ODAD4: variants seen among roughly 807,000 people sequenced by gnomAD.
ODAD4 encodes the protein outer dynein arm docking complex subunit 4.
A neutral mutation model predicts 51.8 loss-of-function variants in ODAD4; 49 were observed. The ratio of observed to expected loss-of-function variants is 0.95; its 90% CI spans 0.75 to 1.20. The LOEUF (loss-of-function observed/expected upper bound fraction) is 1.20. Among genes scored for constraint, ODAD4 ranks in the 50% most tolerant of loss-of-function variants. The pLI is 0.00. For missense variants in ODAD4, 590 were observed against 586.5 expected, an observed-to-expected ratio of 1.01 and a Z score of -0.06; for synonymous variants, 235 against 221.3, an observed-to-expected ratio of 1.06 and a Z score of -0.55.
intron 11 of ODAD4, among the ~76,000 whole-genome samples, chr17:41,963,338 T>C (rs1330393842): frequency 6.6e-6 from 1 of 152,198 alleles, no homozygotes; most frequent in African/African-American, 2.4e-5. Context: ...TCCCTTTGCT[T>C]GTAAAATAAC....
At chr17:41,936,044 G>A (rs1456003286) in intron 3 of ODAD4, among the ~76,000 whole-genome samples, 1 of 152,226 alleles carries the variant, frequency 6.6e-6, no homozygotes, top group Admixed American at 6.5e-5. Context: ...TCTTTAGCCT[G>A]GTGTCAAAAG....
intron 5 of ODAD4, 34 bp from the exon 6 acceptor site, chr17:41,938,523 C>T: frequency 6.3e-7 from 1 of 1,582,404 alleles, no homozygotes; most frequent in East Asian, 2.2e-5. Context: ...GAGGCCTGTT[C>T]TCCTTGGCGC....
intron 1 of ODAD4, among the ~76,000 whole-genome samples, chr17:41,934,920 C>T (rs886468664): frequency 2.0e-5 from 3 of 152,172 alleles, no homozygotes; most frequent in Admixed American, 2.0e-4. Flanking sequence ...TCAGCGTATC[C>T]ACAGAGCAGC....
chr17:41,951,882 G>A lies in ODAD4; in HGVS notation c.1342+2533G>A, dbSNP rs543250624. On this transcript the variant is annotated intron_variant, in intron 9 of 11. Transcript: ENST00000377540. ...CTGGGTGAAAGAACGAGACTCTGTC[G>A]CAAAAAAAAAAAAAAAAAAAAAAAA... 2.6e-3 allele frequency among the ~76,000 whole-genome samples: 164 copies of A among 63,398 alleles called. 3 individuals carry two copies. The highest frequency in any genetic ancestry group is 3.3e-3 in the Non-Finnish European group (124 of 37,176). 41.6% of individuals were successfully genotyped at this position (63,398 alleles called of 152,430 possible). A position where few individuals can be genotyped will look rare whatever the true frequency, so the allele number is the denominator to read the frequency against.
intron 9 of ODAD4, among the ~76,000 whole-genome samples, chr17:41,954,657 C>T (rs557175324): frequency 6.6e-6 from 1 of 152,118 alleles, no homozygotes; most frequent in Non-Finnish European, 1.5e-5. Context: ...TTAAGACCAG[C>T]CTGACCAACA....
At chr17:41,931,054 C>T (rs376609753) in intron 1 of ODAD4, among the ~76,000 whole-genome samples, 1 of 151,834 alleles carries the variant, frequency 6.6e-6, no homozygotes, top group South Asian at 2.1e-4. Flanking sequence ...CCACCATGCC[C>T]GGCTAATTAT....
rs1555639333 is a variant in ODAD4, at chr17:41,945,213, C to T, written c.1136C>T (p.Ala379Val). 1 of 1,612,402 alleles carries T rather than the reference C, an allele frequency of 6.2e-7. No homozygotes were observed. Among genetic ancestry groups the T allele is most frequent in the Admixed American group, 1.7e-5 (1 of 59,800 alleles). ...GCCAGAGTTGGGAAATTCCAGCAAGCCATTGACACGTGAGTGACCAAGAAT... is the reference window on the plus strand; with the variant it reads ...GCCAGAGTTGGGAAATTCCAGCAAGTCATTGACACGTGAGTGACCAAGAAT... ...VFARVGKFQQAIDTWEEKIPL... is the reference protein window; with the variant it reads ...VFARVGKFQQVIDTWEEKIPL... Residue 379 changes from alanine to valine, a missense_variant, in exon 8 of 12, where the codon GCC becomes GTC. By Grantham distance (64) the Ala-to-Val change is moderately conservative. This residue lies in a region of ODAD4 where 226 missense variants were observed against 162.7 expected (regional missense o/e 1.39). Transcript: ENST00000377540.
At position 41,965,425 on chromosome 17, in the gene ODAD4, T is replaced by C. The variant is rs1284791686; in HGVS notation, c.1961T>C (p.Phe654Ser). 5.1e-6 allele frequency: 4 copies of C among 777,312 alleles called. No individual in the cohort carries two copies. The highest frequency in any genetic ancestry group is 3.4e-5 in the African/African-American group (2 of 58,640). 48.2% of individuals were successfully genotyped at this position (777,312 alleles called of 1,614,324 possible). The change falls in exon 12 of 12, where the codon TTT becomes TCT. Residue 654 changes from phenylalanine (F) to serine (S), a missense_variant. By Grantham distance (155) the Phe-to-Ser change is radical. This residue lies in a region of ODAD4 where 226 missense variants were observed against 162.7 expected (regional missense o/e 1.39). Coordinates refer to ENST00000377540, the MANE Select transcript of ODAD4 (RefSeq NM_031421.5). ...REPEELGKTQ[F>S]GEIGETKKTG... ...CCAGAAGAACTGGGAAAAACACAAT[T>C]TGGAGAAATAGGAGAAACGAAAAAA... is the stretch of plus-strand genomic sequence containing the variant.
At chr17:41,936,374 C>T in intron 3 of ODAD4, 99 bp from the exon 4 acceptor site, 1 of 852,416 alleles carries the variant, frequency 1.2e-6, no homozygotes, top group Non-Finnish European at 1.9e-6. Flanking sequence ...ACAGCCTCCA[C>T]CATCCCCCTG....
In ODAD4 at chr17:41,949,337, G is replaced by A. The variant is rs946381271; in HGVS notation, c.1330G>A (p.Ala444Thr). Residue 444 changes from alanine (A) to threonine (T), a missense_variant, in exon 9 of 12, where the codon GCC becomes ACC. By Grantham distance (58) the Ala-to-Thr change is moderately conservative. This residue lies in a region of ODAD4 where 226 missense variants were observed against 162.7 expected (regional missense o/e 1.39). Coordinates refer to ENST00000377540, the MANE Select transcript of ODAD4 (RefSeq NM_031421.5). The stretch of plus-strand genomic sequence containing the variant: ...GCAACTGAATGCCAGTGTTCTGGTG[G>A]CCCAGGCACAAGGTATGGGCTCAGA... ...EWQLNASVLV[A>T]QAQVKLRDFE... is the part of the protein sequence containing the mutation. 1.0e-5 allele frequency: 4 copies of A among 398,668 alleles called. No homozygotes were observed. Among genetic ancestry groups the A allele is most frequent in the East Asian group, 3.6e-5 (1 of 28,082 alleles). The allele number at this position is 398,668 out of a possible 1,614,324, so 24.7% of individuals were successfully genotyped here. A position where few individuals can be genotyped will look rare whatever the true frequency, so the allele number is the denominator to read the frequency against.
At chr17:41,945,963 C>A (rs532560158) in intron 8 of ODAD4, among the ~76,000 whole-genome samples, 1 of 152,168 alleles carries the variant, frequency 6.6e-6, no homozygotes, top group Non-Finnish European at 1.5e-5. Context: ...CAAGTGGGCA[C>A]TGAGAAGGAC....
chr17:41,942,009 C>T (rs534301698), intron 7 of ODAD4, among the ~76,000 whole-genome samples: 18 of 152,176 alleles, frequency 1.2e-4, no homozygotes, highest in Middle Eastern at 3.4e-3. Context: ...GGAGTGATCT[C>T]GGCTCACTGC....
chr17:41,953,137 T>C (rs1344971168), intron 9 of ODAD4, among the ~76,000 whole-genome samples: 1 of 152,130 alleles, frequency 6.6e-6, no homozygotes, highest in Admixed American at 6.6e-5. Flanking sequence ...CTCAGCTCAG[T>C]GCAACCTCTG....
chr17:41,962,380 G>C (rs1555641887), intron 11 of ODAD4, among the ~76,000 whole-genome samples: 1 of 152,174 alleles, frequency 6.6e-6, no homozygotes, highest in African/African-American at 2.4e-5. Context: ...GGAGTAAACA[G>C]GCCTTTGGCC....
intron 11 of ODAD4, among the ~76,000 whole-genome samples, chr17:41,962,802 C>T (rs2050823366): frequency 3.9e-5 from 6 of 152,226 alleles, no homozygotes; most frequent in Admixed American, 3.9e-4. Flanking sequence ...GTGAACAGAG[C>T]TGGGGCTGGA....
At chr17:41,941,625 C>T (rs972071453) in intron 7 of ODAD4, among the ~76,000 whole-genome samples, 5 of 151,918 alleles carry the variant, frequency 3.3e-5, no homozygotes, top group East Asian at 1.9e-4. Context: ...ATTAGCCGGG[C>T]GTAGTGTTAG....
At chr17:41,952,521 G>C (rs552874934) in intron 9 of ODAD4, 1 of 303,112 alleles carries the variant, frequency 3.3e-6, no homozygotes, top group Admixed American at 4.4e-5. Flanking sequence ...GATACAGAGC[G>C]AGGCCCTGAC....
At chr17:41,943,443 G>C (rs1357818277) in intron 7 of ODAD4, among the ~76,000 whole-genome samples, 2 of 152,192 alleles carry the variant, frequency 1.3e-5, no homozygotes. Context: ...CGAAAAGAGA[G>C]TCAGCAAAGG....
At position 41,943,643 on chromosome 17, in the gene ODAD4, C is replaced by G. The variant is rs2050537585; in HGVS notation, c.1059-1493C>G. Among the ~76,000 whole-genome samples the G allele has an allele frequency of 1.3e-5, 2 of 152,196 alleles. 1 individual carries two copies. The highest frequency in any genetic ancestry group is 4.1e-4 in the South Asian group (2 of 4,836). ...GGCTATTTTCACTTCTTTTGTGATT[C>G]TTCAGTTACTTCGGGCCATCTGGTT... On this transcript the variant is annotated intron_variant, in intron 7 of 11. Coordinates refer to ENST00000377540, the MANE Select transcript of ODAD4 (RefSeq NM_031421.5).
Sources: gnomAD v4.1 joint callset for allele counts (sites outside exome capture counted in the v4.1 genomes callset) on GRCh38, gnomAD v4.1.1 for gene constraint, gnomAD v4.1.1 regional missense constraint, MANE v1.5 for transcripts, NCBI Gene and HGNC (gene_info 2026-07-23, HGNC 2026-07-21) for gene names.